FSIP1: variants seen among roughly 807,000 people sequenced by gnomAD.
FSIP1 encodes fibrous sheath-interacting protein 1.
In FSIP1, 65 loss-of-function variants were observed where a neutral mutation model predicts 60.9. That is an observed-to-expected ratio of 1.07 (90% CI 0.87 to 1.31). The LOEUF (loss-of-function observed/expected upper bound fraction) is 1.31. Among genes scored for constraint, FSIP1 ranks in the 40% most tolerant of loss-of-function variants. The probability of loss-of-function intolerance (pLI) is 0.00; values close to 1 mark genes in which losing one functional copy is unlikely to be tolerated. For missense variants in FSIP1, 675 were observed against 665.5 expected, an observed-to-expected ratio of 1.01 and a Z score of -0.16; for synonymous variants, 209 against 221.2, an observed-to-expected ratio of 0.94 and a Z score of 0.49.
chr15:39,657,794 A>G lies in FSIP1; in HGVS notation c.1189-39549T>C, dbSNP rs972877301. ...TGATCATAAAATCAATATTAATAAAAAATTATAGCCCGCAATGTGGACTGA... is the reference window on the plus strand; with the variant it reads ...TGATCATAAAATCAATATTAATAAAGAATTATAGCCCGCAATGTGGACTGA... On this transcript the variant is annotated intron_variant, in intron 10 of 11. Coordinates refer to ENST00000350221, the MANE Select transcript of FSIP1 (RefSeq NM_152597.5). 3.3e-5 allele frequency among the ~76,000 whole-genome samples: 5 copies of G among 152,306 alleles called. No individual in the cohort carries two copies. In the South Asian group the frequency reaches 1.0e-3, roughly 32 times the overall value.
chr15:39,685,529 T>C lies in FSIP1; in HGVS notation c.1188+27915A>G, dbSNP rs1281565685. On this transcript the variant is annotated intron_variant, in intron 10 of 11. Coordinates refer to ENST00000350221, the MANE Select transcript of FSIP1 (RefSeq NM_152597.5). The stretch of plus-strand genomic sequence containing the variant: ...CAAAACATACAACACCCTCCAGGAA[T>C]TCTGGTCCTTCTTAAGATCTCTATC... 2.6e-5 allele frequency among the ~76,000 whole-genome samples: 4 copies of C among 152,174 alleles called. No individual in the cohort carries two copies. The East Asian group carries it at 7.7e-4, about 29-fold the overall frequency.
At position 39,618,056 on chromosome 15, in the gene FSIP1, C is replaced by G. The variant is rs1376088661; in HGVS notation, c.1378G>C (p.Val460Leu). 1 of 1,613,986 alleles carries G rather than the reference C, an allele frequency of 6.2e-7. No homozygotes were observed. Among genetic ancestry groups the G allele is most frequent in the African/African-American group, 1.3e-5 (1 of 74,902 alleles). ...SKLLNESETKVQKTEVEDADM... is the reference protein window; with the variant it reads ...SKLLNESETKLQKTEVEDADM... ...GCATCTTCTACCTCAGTTTTCTGGA[C>G]CTTTGTTTCTGATTCATTTAGCAAT... The change falls in exon 11 of 12, where the codon GTC becomes CTC. Residue 460 changes from valine to leucine, a missense_variant. Val to Leu is a conservative substitution (Grantham distance 32, BLOSUM62 1). Coordinates refer to ENST00000350221, the MANE Select transcript of FSIP1 (RefSeq NM_152597.5).
At chr15:39,671,157 T>C (rs938697372) in intron 10 of FSIP1, among the ~76,000 whole-genome samples, 2 of 152,220 alleles carry the variant, frequency 1.3e-5, no homozygotes, top group Admixed American at 6.5e-5. Context: ...GAGCATTTTA[T>C]ATTAACTGGA....
In FSIP1 at chr15:39,739,535, T is replaced by C. The variant is rs143841811; in HGVS notation, c.780+130A>G. On this transcript the variant is annotated intron_variant, in intron 7 of 11. Transcript: ENST00000350221. ...GGTTCATAAAAGTTTTCTTTCATTA[T>C]ATCTACTAATTCAATCATTTATACA... is the stretch of plus-strand genomic sequence containing the variant. The C allele has an allele frequency of 2.1e-3, 1,728 of 811,546 alleles. 26 individuals carry two copies. The Admixed American group carries it at 0.025, about 12-fold the overall frequency. The allele number at this position is 811,546 out of a possible 1,614,324, so 50.3% of individuals were successfully genotyped here.
chr15:39,738,675 GT>G (rs1193155232), intron 7 of FSIP1, among the ~76,000 whole-genome samples: 1 of 151,218 alleles, frequency 6.6e-6, no homozygotes, highest in Admixed American at 6.6e-5. Context: ...TGCTATCTGT[GT>G]TAGCAAGAAC....
At chr15:39,740,190 C>T (rs1052293007) in intron 6 of FSIP1, among the ~76,000 whole-genome samples, 2 of 152,084 alleles carry the variant, frequency 1.3e-5, no homozygotes, top group African/African-American at 4.8e-5. Context: ...CTAGGTCATC[C>T]CTGCTATTCT....
chr15:39,754,222 A>G (rs1897242860), intron 5 of FSIP1, among the ~76,000 whole-genome samples: 1 of 152,062 alleles, frequency 6.6e-6, no homozygotes, highest in Admixed American at 6.6e-5. Context: ...GCAAACAACC[A>G]TGTGAGTGAG....
At chr15:39,625,129 G>A (rs1891586842) in intron 10 of FSIP1, among the ~76,000 whole-genome samples, 1 of 152,194 alleles carries the variant, frequency 6.6e-6, no homozygotes. Context: ...CAAACAGCCG[G>A]GTGAGGCAGG....
intron 10 of FSIP1, among the ~76,000 whole-genome samples, chr15:39,684,959 C>T (rs997914633): frequency 2.6e-5 from 4 of 152,324 alleles, no homozygotes; most frequent in African/African-American, 9.6e-5. Flanking sequence ...GACTCAAACA[C>T]AGGCAATCTG....
chr15:39,617,786 A>G lies in FSIP1; in HGVS notation c.1648T>C (p.Ser550Pro), dbSNP rs1436254082. ...AGTTTCAGATGTTGGTCTTCTGATG[A>G]AAGGCTCACACTGATACCATACAGT... ...DPLYGISVSL[S>P]SEDQHLKLSS... The change falls in exon 11 of 12, where the codon TCA becomes CCA. Residue 550 changes from serine (S) to proline (P), a missense_variant. By Grantham distance (74) the Ser-to-Pro change is moderately conservative. Transcript: ENST00000350221. The G allele has an allele frequency of 6.2e-7, 1 of 1,614,024 alleles. No homozygotes were observed. The highest frequency in any genetic ancestry group is 1.7e-5 in the Admixed American group (1 of 60,014).
Position 39,713,474 on chromosome 15 carries a change from A to T in FSIP1, c.1158T>A (p.Asp386Glu), listed in dbSNP as rs140313000. The T allele has an allele frequency of 3.8e-6, 6 of 1,598,456 alleles. No individual in the cohort carries two copies. Among genetic ancestry groups the T allele is most frequent in the Non-Finnish European group, 5.1e-6 (6 of 1,174,664 alleles). Residue 386 changes from aspartate to glutamate, a missense_variant, in exon 10 of 12, where the codon GAT (aspartate) becomes GAA (glutamate). Transcript: ENST00000350221. ...RDLHNRLREI[D>E]EKLKMMKENV... ...TTTCCTTCATCATTTTCAGCTTTTC[A>T]TCAATCTCTCTCAGCCGATTATGCA...
chr15:39,654,002 G>C (rs1212088448), intron 10 of FSIP1, among the ~76,000 whole-genome samples: 2 of 152,064 alleles, frequency 1.3e-5, no homozygotes, highest in Non-Finnish European at 2.9e-5. Context: ...ACAGGGTCAG[G>C]GTCACCAACA....
At chr15:39,698,219 T>A (rs560005288) in intron 10 of FSIP1, among the ~76,000 whole-genome samples, 7 of 149,594 alleles carry the variant, frequency 4.7e-5, no homozygotes, top group Admixed American at 3.3e-4. Flanking sequence ...CAATTAATAA[T>A]GTTTATATTA....
intron 10 of FSIP1, among the ~76,000 whole-genome samples, chr15:39,653,171 G>T (rs1595576447): frequency 1.1e-5 from 1 of 87,538 alleles, no homozygotes; most frequent in African/African-American, 3.5e-5. Flanking sequence ...GCCAGACTTT[G>T]TCTCAAAAAA....
At chr15:39,705,040 A>C (rs1895206972) in intron 10 of FSIP1, among the ~76,000 whole-genome samples, 1 of 152,242 alleles carries the variant, frequency 6.6e-6, no homozygotes, top group Non-Finnish European at 1.5e-5. Flanking sequence ...ATGAAGTTCA[A>C]ACTGAGAATC....
At chr15:39,610,356 G>A (rs112858224) in intron 11 of FSIP1, among the ~76,000 whole-genome samples, 1 of 152,234 alleles carries the variant, frequency 6.6e-6, no homozygotes, top group African/African-American at 2.4e-5. Context: ...CCAAAGATGA[G>A]TGCACCAAGA....
At chr15:39,777,594 T>C (rs1211335191) in intron 1 of FSIP1, among the ~76,000 whole-genome samples, 1 of 152,214 alleles carries the variant, frequency 6.6e-6, no homozygotes, top group African/African-American at 2.4e-5. Flanking sequence ...CAGTGAGCGA[T>C]GCAGGCACAT....
At chr15:39,735,949 G>T (rs1272711990) in intron 8 of FSIP1, among the ~76,000 whole-genome samples, 1 of 152,116 alleles carries the variant, frequency 6.6e-6, no homozygotes, top group Non-Finnish European at 1.5e-5. Flanking sequence ...GTCTTCAAGG[G>T]CAGTAACACG....
chr15:39,632,315 T>C (rs536451614), intron 10 of FSIP1, among the ~76,000 whole-genome samples: 1 of 152,224 alleles, frequency 6.6e-6, no homozygotes, highest in Non-Finnish European at 1.5e-5. Context: ...TAGCTGGGAC[T>C]ACAGATACGC....
Sources: allele counts gnomAD v4.1 joint callset (sites outside exome capture counted in the v4.1 genomes callset), GRCh38; gene constraint gnomAD v4.1.1; transcripts MANE v1.5; gene names NCBI Gene and HGNC (gene_info 2026-07-23, HGNC 2026-07-21).